Variants in TANK observed in about 807,000 individuals in gnomAD.
TANK encodes TRAF family member associated NFKB activator.
Under a neutral mutation model 43.6 loss-of-function variants are expected in TANK, and 15 were observed. The observed-to-expected ratio is 0.34, with a 90% CI of 0.23 to 0.53. The LOEUF (loss-of-function observed/expected upper bound fraction) is 0.53, where lower values mean the gene tolerates loss of function less well. Ranked by LOEUF, TANK falls within the 20% of genes least tolerant of loss-of-function variation. The pLI is 0.94. For missense variants in TANK, 417 were observed against 498.6 expected (o/e 0.84, Z 1.56); for synonymous variants, 162 against 178.2 (o/e 0.91, Z 0.73).
intron 2 of TANK, among the ~76,000 whole-genome samples, chr2:161,200,013 A>C (rs938135935): frequency 2.0e-5 from 3 of 152,374 alleles, no homozygotes; most frequent in African/African-American, 7.2e-5. Context: ...TGTCAAATAC[A>C]CAGAAGCCAG....
At chr2:161,215,735 C>G (rs1687088956) in intron 4 of TANK, among the ~76,000 whole-genome samples, 1 of 152,084 alleles carries the variant, frequency 6.6e-6, no homozygotes, top group Non-Finnish European at 1.5e-5. Flanking sequence ...TAAGATACTG[C>G]TAGATTTTGA....
intron 2 of TANK, among the ~76,000 whole-genome samples, chr2:161,190,199 A>G (rs1396199810): frequency 6.6e-6 from 1 of 152,228 alleles, no homozygotes; most frequent in Non-Finnish European, 1.5e-5. Flanking sequence ...CAGATGGCCA[A>G]TAAGCATATG....
chr2:161,169,623 G>A (rs1485323060), intron 1 of TANK, among the ~76,000 whole-genome samples: 1 of 152,160 alleles, frequency 6.6e-6, no homozygotes, highest in African/African-American at 2.4e-5. Flanking sequence ...TTGCGAAGGT[G>A]AAGCAGGAAA....
chr2:161,197,934 T>C (rs1284672305), intron 2 of TANK, among the ~76,000 whole-genome samples: 1 of 152,132 alleles, frequency 6.6e-6, no homozygotes, highest in Non-Finnish European at 1.5e-5. Flanking sequence ...ATACAAAATA[T>C]ATGAGATAAA....
At chr2:161,188,463 A>T (rs1427961870) in intron 2 of TANK, among the ~76,000 whole-genome samples, 9 of 152,330 alleles carry the variant, frequency 5.9e-5, no homozygotes, top group African/African-American at 2.2e-4. Context: ...CTAACTACTA[A>T]GAATGAATCA....
chr2:161,208,097 T>C (rs1686726645), intron 4 of TANK: 1 of 951,992 alleles, frequency 1.1e-6, no homozygotes, highest in Non-Finnish European at 1.3e-6. Flanking sequence ...GGATTTGTTT[T>C]CTTTAGACAA....
intron 4 of TANK, among the ~76,000 whole-genome samples, chr2:161,206,711 T>C (rs1461265185): frequency 6.6e-6 from 1 of 152,114 alleles, no homozygotes. Context: ...AAGAGGAAAT[T>C]GAGAAACAAT....
intron 2 of TANK, among the ~76,000 whole-genome samples, chr2:161,188,613 C>T (rs567382020): frequency 6.6e-6 from 1 of 152,266 alleles, no homozygotes; most frequent in East Asian, 1.9e-4. Flanking sequence ...AGAATTAATA[C>T]CAATCCTCTC....
chr2:161,194,655 A>G (rs1182126869), intron 2 of TANK, among the ~76,000 whole-genome samples: 2 of 152,202 alleles, frequency 1.3e-5, no homozygotes, highest in Non-Finnish European at 2.9e-5. Flanking sequence ...GCTTTACTCA[A>G]GAGCTAGTCT....
intron 1 of TANK, among the ~76,000 whole-genome samples, chr2:161,149,549 C>T (rs1684013671): frequency 6.6e-6 from 1 of 152,124 alleles, no homozygotes; most frequent in African/African-American, 2.4e-5. Flanking sequence ...AAGAAAGTGT[C>T]CTTGTCTTGT....
intron 4 of TANK, among the ~76,000 whole-genome samples, chr2:161,215,593 C>T (rs552413907): frequency 1.2e-4 from 19 of 152,108 alleles, no homozygotes; most frequent in East Asian, 7.7e-4. Flanking sequence ...TTTTTAAAGG[C>T]GCAAGACTGT....
intron 1 of TANK, among the ~76,000 whole-genome samples, chr2:161,162,246 C>T (rs935848313): frequency 6.6e-6 from 1 of 152,072 alleles, no homozygotes; most frequent in Non-Finnish European, 1.5e-5. Context: ...TCTAGTAATT[C>T]ATAGGACAAG....
intron 1 of TANK, among the ~76,000 whole-genome samples, chr2:161,154,094 C>T (rs1684154683): frequency 6.6e-6 from 1 of 152,122 alleles, no homozygotes; most frequent in South Asian, 2.1e-4. Context: ...CTTGAAATTT[C>T]AAGCATAATG....
At chr2:161,151,989 C>G (rs1262237797) in intron 1 of TANK, among the ~76,000 whole-genome samples, 3 of 152,064 alleles carry the variant, frequency 2.0e-5, no homozygotes, top group Admixed American at 2.0e-4. Context: ...CAATTAACAA[C>G]CTAAATTTAT....
Position 161,231,190 on chromosome 2 carries a change from A to G in TANK, c.740A>G (p.His247Arg), listed in dbSNP as rs1396272993. 1 of 1,613,992 alleles carries G rather than the reference A, an allele frequency of 6.2e-7. No homozygotes were observed. The highest frequency in any genetic ancestry group is 1.1e-5 in the South Asian group (1 of 91,082). The change falls in exon 7 of 8, where the codon CAT (histidine) becomes CGT (arginine). Residue 247 changes from histidine (H) to arginine (R), a missense_variant. Coordinates refer to ENST00000392749, the MANE Select transcript of TANK (RefSeq NM_001199135.3). ...ATGGACAATGACTCAACTTTCTTAC[A>G]TAGCACTCCAGAGAGACCCGGCATC... ...PPMDNDSTFLHSTPERPGILS... is the reference protein window; with the variant it reads ...PPMDNDSTFLRSTPERPGILS...
intron 1 of TANK, among the ~76,000 whole-genome samples, chr2:161,144,226 CA>C (rs1346576794): frequency 6.6e-6 from 1 of 150,854 alleles, no homozygotes; most frequent in Non-Finnish European, 1.5e-5. Flanking sequence ...TCTAGGTAGT[CA>C]TCTATTTTGT....
At chr2:161,199,379 G>C (rs1474829601) in intron 2 of TANK, among the ~76,000 whole-genome samples, 1 of 151,500 alleles carries the variant, frequency 6.6e-6, no homozygotes, top group African/African-American at 2.4e-5. Context: ...GGATATTATA[G>C]ATAACTTAAG....
chr2:161,226,269 A>G (rs917672548), intron 6 of TANK, among the ~76,000 whole-genome samples: 16 of 152,222 alleles, frequency 1.1e-4, no homozygotes, highest in Admixed American at 8.5e-4. Flanking sequence ...TTTAACTTCA[A>G]TTTCTTCTCC....
intron 7 of TANK, 94 bp downstream of exon 7, chr2:161,231,645 T>C: frequency 8.4e-7 from 1 of 1,187,410 alleles, no homozygotes; most frequent in South Asian, 1.3e-5. Flanking sequence ...TTATCAAACA[T>C]CCTTTTTAAA....
Sources: allele counts gnomAD v4.1 joint callset (sites outside exome capture counted in the v4.1 genomes callset), GRCh38; gene constraint gnomAD v4.1.1; transcripts MANE v1.5; gene names NCBI Gene and HGNC (gene_info 2026-07-23, HGNC 2026-07-21).